Variants in CCDC69 observed in about 807,000 individuals in gnomAD.
CCDC69 encodes coiled-coil domain-containing protein 69.
CCDC69 carries 38 observed loss-of-function variants against 40.3 expected under a neutral mutation model. The observed-to-expected ratio is 0.94, with a 90% CI of 0.73 to 1.24. The LOEUF (loss-of-function observed/expected upper bound fraction) is 1.24. CCDC69 is among the 50% of genes most tolerant of loss of function. CCDC69 has a pLI of 0.00. For missense variants in CCDC69, 389 were observed against 357.9 expected, an observed-to-expected ratio of 1.09 and a Z score of -0.70; for synonymous variants, 141 against 138.9, an observed-to-expected ratio of 1.02 and a Z score of -0.11.
At chr5:151,188,327 G>A (rs11743219) in intron 4 of CCDC69, among the ~76,000 whole-genome samples, 18,440 of 152,194 alleles carry the variant, frequency 0.12, 1,261 homozygotes, top group Middle Eastern at 0.19. Flanking sequence ...GTTCAAGGCC[G>A]GGCACGGTGG....
chr5:151,205,592 C>A (rs1752843078), intron 1 of CCDC69, 117 bp from the exon 2 acceptor site: 1 of 819,482 alleles, frequency 1.2e-6, no homozygotes, highest in Non-Finnish European at 2.0e-6. Context: ...TACACCAGAC[C>A]CTGCCCCACG....
At chr5:151,208,992 G>A (rs752929827) in intron 1 of CCDC69, among the ~76,000 whole-genome samples, 1 of 152,180 alleles carries the variant, frequency 6.6e-6, no homozygotes, top group African/African-American at 2.4e-5. Context: ...GAGGCTCAGG[G>A]AGACTTAAGA....
In CCDC69 at chr5:151,183,334, G is replaced by A. The variant is rs764731224; in HGVS notation, c.*103C>T. On this transcript the variant is annotated 3_prime_UTR_variant, in exon 9 of 9. Transcript: ENST00000355417. ...GGATCTCCATCTCGCTCCCACCCTC[G>A]TTCCTTCCTGGAAAAGAACTGAGAG... 91 of 1,335,972 alleles carry A rather than the reference G, an allele frequency of 6.8e-5. No homozygotes were observed. Among genetic ancestry groups the A allele is most frequent in the African/African-American group, 1.9e-4 (13 of 68,686 alleles). 82.8% of individuals were successfully genotyped at this position (1,335,972 alleles called of 1,614,324 possible).
chr5:151,187,404 C>A lies in CCDC69; in HGVS notation c.375G>T (p.Glu125Asp). 1 of 1,614,174 alleles carries A rather than the reference C, an allele frequency of 6.2e-7. No individual in the cohort carries two copies. ...CTCTCACCTGCTGGGTAGAACTGGC[C>A]TCCCGGAAAGAGTGGGTAAGCGCTT... is the stretch of plus-strand genomic sequence containing the variant. The part of the protein sequence containing the change: ...EKEALTHSFR[E>D]ASSTQQETID... The change falls in exon 5 of 9, where the codon GAG becomes GAT. Residue 125 changes from glutamate (E) to aspartate (D), a missense_variant. By Grantham distance (45) the Glu-to-Asp change is conservative. Coordinates refer to ENST00000355417, the MANE Select transcript of CCDC69 (RefSeq NM_015621.3).
intron 4 of CCDC69, 29 bp downstream of exon 4, chr5:151,198,968 C>A (rs779413187): frequency 6.3e-7 from 1 of 1,581,806 alleles, no homozygotes; most frequent in Non-Finnish European, 8.7e-7. Flanking sequence ...CCCCCACCAC[C>A]TTGGCCAGTG....
At chr5:151,198,711 G>C (rs1752735883) in intron 4 of CCDC69, 1 of 343,112 alleles carries the variant, frequency 2.9e-6, no homozygotes, top group African/African-American at 2.1e-5. Context: ...TATTTGTCTG[G>C]GTTTTCCAAA....
intron 1 of CCDC69, among the ~76,000 whole-genome samples, chr5:151,208,671 C>G (rs1378134692): frequency 6.6e-6 from 1 of 152,258 alleles, no homozygotes; most frequent in African/African-American, 2.4e-5. Flanking sequence ...CAGCAGCCAG[C>G]CTCCCCACCC....
intron 1 of CCDC69, among the ~76,000 whole-genome samples, chr5:151,208,181 G>A (rs1171227648): frequency 2.0e-5 from 3 of 152,176 alleles, no homozygotes; most frequent in East Asian, 3.8e-4. Flanking sequence ...AACCCAGGAG[G>A]TGGAAGTTGC....
intron 2 of CCDC69, among the ~76,000 whole-genome samples, chr5:151,203,538 A>AAT (rs1010099207): frequency 4.1e-5 from 6 of 145,452 alleles, no homozygotes; most frequent in Non-Finnish European, 9.0e-5. Flanking sequence ...ATAAAAAATA[A>AAT]ATATATATAT....
In CCDC69 at chr5:151,197,470, C is replaced by T. The variant is rs549570081; in HGVS notation, c.319+1527G>A. 2.6e-5 allele frequency among the ~76,000 whole-genome samples: 4 copies of T among 152,242 alleles called. No individual in the cohort carries two copies. The South Asian group carries it at 8.3e-4, about 32-fold the overall frequency. ...CCCAAGAGGCGGAGGTTGAAGTGAGCCGAGATCGTGCCACTGTACTCCAGC... is the reference window on the plus strand; with the variant it reads ...CCCAAGAGGCGGAGGTTGAAGTGAGTCGAGATCGTGCCACTGTACTCCAGC... On this transcript the variant is annotated intron_variant, in intron 4 of 8. Coordinates refer to ENST00000355417, the MANE Select transcript of CCDC69 (RefSeq NM_015621.3).
chr5:151,183,752 T>C (rs995949435), intron 8 of CCDC69, 138 bp from the exon 9 acceptor site: 1 of 715,620 alleles, frequency 1.4e-6, no homozygotes, highest in Non-Finnish European at 2.3e-6. Context: ...TTGGCCTGTA[T>C]ACAAGAGGCA....
At chr5:151,211,656 T>G (rs1276027624) in intron 1 of CCDC69, among the ~76,000 whole-genome samples, 2 of 151,728 alleles carry the variant, frequency 1.3e-5, no homozygotes, top group Non-Finnish European at 2.9e-5. Context: ...CCAGAGTAGC[T>G]GGGATTACAG....
chr5:151,204,314 C>T (rs1752824332), intron 2 of CCDC69, among the ~76,000 whole-genome samples: 1 of 152,150 alleles, frequency 6.6e-6, no homozygotes, highest in Non-Finnish European at 1.5e-5. Flanking sequence ...GGATTATAGG[C>T]AAGAGCCACC....
rs372308375 is a variant in CCDC69, at chr5:151,183,585, C to G, written c.743G>C (p.Arg248Pro). 3 of 1,612,190 alleles carry G rather than the reference C, an allele frequency of 1.9e-6. No individual in the cohort carries two copies. Among genetic ancestry groups the G allele is most frequent in the Non-Finnish European group, 8.5e-7 (1 of 1,179,378 alleles). Residue 248 changes from arginine (R) to proline (P), a missense_variant, in exon 9 of 9, where the codon CGT becomes CCT. Transcript: ENST00000355417. ...CTGCACCTCCTTCTCCAGGGCCTCA[C>G]GCGTGAGAAGCAGGTCTTCTGACAG... ...RQLSEDLLLT[R>P]EALEKEVQLR...
In CCDC69 at chr5:151,204,025, C is replaced by A. The variant is rs1318124943; in HGVS notation, c.124+1375G>T. ...CCCTAGAATCTGCATCTTTGAAGTTCTCCAGGTAATTTTTCTTTTTCTGAG... is the reference window on the plus strand; with the variant it reads ...CCCTAGAATCTGCATCTTTGAAGTTATCCAGGTAATTTTTCTTTTTCTGAG... On this transcript the variant is annotated intron_variant, in intron 2 of 8. Transcript: ENST00000355417. Among the ~76,000 whole-genome samples the A allele has an allele frequency of 4.0e-5, 6 of 150,040 alleles. No individual in the cohort carries two copies. In the East Asian group the frequency reaches 7.7e-4, roughly 19 times the overall value.
At chr5:151,221,387 G>A (rs1394001515) in intron 1 of CCDC69, among the ~76,000 whole-genome samples, 3 of 152,180 alleles carry the variant, frequency 2.0e-5, no homozygotes, top group Non-Finnish European at 4.4e-5. Flanking sequence ...GGTAACTCCT[G>A]CCATACCTTC....
chr5:151,187,390 T>TG lies in CCDC69; in HGVS notation c.388dup (p.Gln130ProfsTer32). Reference sequence around the variant, plus strand: ...ACACGACCCAGCCCCTCTCACCTGCTGGGTAGAACTGGCCTCCCGGAAAGA... The same window carrying TG: ...ACACGACCCAGCCCCTCTCACCTGCTGGGGTAGAACTGGCCTCCCGGAAAGA... On this transcript the variant is annotated frameshift_variant, in exon 5 of 9. Coordinates refer to ENST00000355417, the MANE Select transcript of CCDC69 (RefSeq NM_015621.3). LOFTEE classifies it high-confidence loss of function. The TG allele has an allele frequency of 6.2e-7, 1 of 1,614,012 alleles. No individual in the cohort carries two copies. The highest frequency in any genetic ancestry group is 1.1e-5 in the South Asian group (1 of 91,084).
At chr5:151,187,322 T>A in intron 5 of CCDC69, 64 bp downstream of exon 5, 1 of 1,477,464 alleles carries the variant, frequency 6.8e-7, no homozygotes, top group South Asian at 1.1e-5. Context: ...TGGGGCTCCA[T>A]GCTGCTTTCC....
intron 1 of CCDC69, among the ~76,000 whole-genome samples, chr5:151,223,551 C>T (rs1288131932): frequency 6.6e-6 from 1 of 152,218 alleles, no homozygotes; most frequent in African/African-American, 2.4e-5. Context: ...CTTTAACCCC[C>T]GGGGGGAGGA....
Sources: gnomAD v4.1 joint callset for allele counts (sites outside exome capture counted in the v4.1 genomes callset) on GRCh38, gnomAD v4.1.1 for gene constraint, MANE v1.5 for transcripts, NCBI Gene and HGNC (gene_info 2026-07-23, HGNC 2026-07-21) for gene names.